Variants in DPP10 observed in about 807,000 individuals in gnomAD.
DPP10 encodes the protein inactive dipeptidyl peptidase 10.
A neutral mutation model predicts 120.9 loss-of-function variants in DPP10; 33 were observed. The observed-to-expected ratio is 0.27, with a 90% CI of 0.21 to 0.37. DPP10 has a LOEUF of 0.37. Ranked by LOEUF, DPP10 falls within the 10% of genes least tolerant of loss-of-function variation. The probability of loss-of-function intolerance (pLI) is 1.00; values close to 1 mark genes in which losing one functional copy is unlikely to be tolerated. For missense variants in DPP10, 816 were observed against 942.8 expected (o/e 0.87, Z 1.76); for synonymous variants, 337 against 326.1 (o/e 1.03, Z -0.36).
intron 3 of DPP10, among the ~76,000 whole-genome samples, chr2:115,395,051 C>T (rs1023154761): frequency 2.6e-5 from 4 of 152,160 alleles, no homozygotes; most frequent in Non-Finnish European, 5.9e-5. Context: ...CACTCTTCAC[C>T]TCTATGTGAT....
At chr2:115,296,784 G>T (rs1006708393) in intron 1 of DPP10, among the ~76,000 whole-genome samples, 1 of 151,936 alleles carries the variant, frequency 6.6e-6, no homozygotes, top group Non-Finnish European at 1.5e-5. Flanking sequence ...GGTGCAATAA[G>T]TTCATCTAGA....
At chr2:114,476,417 C>T (rs1680374457) in intron 1 of DPP10, among the ~76,000 whole-genome samples, 1 of 152,102 alleles carries the variant, frequency 6.6e-6, no homozygotes, top group South Asian at 2.1e-4. Context: ...CCTTTTGATC[C>T]ATTTTCTCTC....
intron 1 of DPP10, among the ~76,000 whole-genome samples, chr2:114,789,488 C>A (rs540510695): frequency 6.6e-6 from 1 of 152,160 alleles, no homozygotes; most frequent in Non-Finnish European, 1.5e-5. Context: ...GAGGAGTTCA[C>A]TTCTCAGAAT....
Position 114,582,643 on chromosome 2 carries a change from T to C in DPP10, c.60+139805T>C, listed in dbSNP as rs114600217. On this transcript the variant is annotated intron_variant, in intron 1 of 25. Transcript: ENST00000410059. ...TGGATTTTGGCCATTCTAGTGCGTA[T>C]GTAGTAGTATCTCATTTTGCTTTTA... 7.0e-3 allele frequency among the ~76,000 whole-genome samples: 1,068 copies of C among 152,356 alleles called. 20 individuals are homozygous for C. The highest frequency in any genetic ancestry group is 0.024 in the African/African-American group (981 of 41,584).
chr2:114,556,260 T>TATATATAC (rs1688303124), intron 1 of DPP10, among the ~76,000 whole-genome samples: 1 of 133,396 alleles, frequency 7.5e-6, no homozygotes, highest in Admixed American at 7.4e-5. Flanking sequence ...TATATATATA[T>TATATATAC]ATATATATAG....
chr2:114,519,324 A>G (rs1238424286), intron 1 of DPP10, among the ~76,000 whole-genome samples: 1 of 152,224 alleles, frequency 6.6e-6, no homozygotes, highest in Non-Finnish European at 1.5e-5. Context: ...TCACTACAGA[A>G]GAACTGTTTA....
At chr2:114,463,182 T>C (rs1178430123) in intron 1 of DPP10, among the ~76,000 whole-genome samples, 1 of 152,206 alleles carries the variant, frequency 6.6e-6, no homozygotes, top group Non-Finnish European at 1.5e-5. Context: ...CTAACCCATG[T>C]ATGTATACAT....
intron 1 of DPP10, among the ~76,000 whole-genome samples, chr2:114,619,800 G>A (rs973957569): frequency 1.6e-4 from 24 of 151,796 alleles, no homozygotes; most frequent in African/African-American, 5.1e-4. Context: ...AGGGGGCTCA[G>A]ATTAAAGGAT....
At chr2:115,646,296 T>A (rs1248611880) in intron 5 of DPP10, among the ~76,000 whole-genome samples, 1 of 152,116 alleles carries the variant, frequency 6.6e-6, no homozygotes, top group African/African-American at 2.4e-5. Context: ...AAATTAAAAA[T>A]AGCATGTTCT....
Position 114,715,558 on chromosome 2 carries a change from G to A in DPP10, c.60+272720G>A, listed in dbSNP as rs74710631. Among the ~76,000 whole-genome samples, 29 of 151,594 alleles carry A rather than the reference G, an allele frequency of 1.9e-4. No individual in the cohort carries two copies. The East Asian group carries it at 5.4e-3, about 28-fold the overall frequency. ...AATAATCTGAAAAATATTAAGCCTA[G>A]GTACCACTATCTGCCTACTGAACCT... is the stretch of plus-strand genomic sequence containing the variant. On this transcript the variant is annotated intron_variant, in intron 1 of 25. Coordinates refer to ENST00000410059, the MANE Select transcript of DPP10 (RefSeq NM_020868.6).
At chr2:115,567,341 C>G (rs188533742) in intron 5 of DPP10, among the ~76,000 whole-genome samples, 1 of 152,104 alleles carries the variant, frequency 6.6e-6, no homozygotes, top group South Asian at 2.1e-4. Context: ...TCACCCTCTC[C>G]TTACAGATAA....
intron 1 of DPP10, among the ~76,000 whole-genome samples, chr2:115,228,485 A>T (rs557065869): frequency 3.3e-5 from 5 of 152,036 alleles, no homozygotes; most frequent in Admixed American, 6.6e-5. Flanking sequence ...GTACCCACTA[A>T]CAAAACCCGC....
intron 1 of DPP10, among the ~76,000 whole-genome samples, chr2:114,450,479 G>A (rs993594306): frequency 1.3e-5 from 2 of 151,666 alleles, no homozygotes; most frequent in Non-Finnish European, 1.5e-5. Context: ...CTGCCACATA[G>A]CAGGAGCTCA....
At chr2:114,533,337 A>G (rs1156643315) in intron 1 of DPP10, among the ~76,000 whole-genome samples, 1 of 152,112 alleles carries the variant, frequency 6.6e-6, no homozygotes, top group Non-Finnish European at 1.5e-5. Context: ...GCTTATTATT[A>G]AGTATTATTA....
At chr2:115,473,096 T>C (rs2074840432) in intron 3 of DPP10, among the ~76,000 whole-genome samples, 2 of 152,196 alleles carry the variant, frequency 1.3e-5, no homozygotes, top group South Asian at 4.1e-4. Context: ...TTCTGGAACA[T>C]TTCCTAATTA....
At chr2:115,820,070 A>G (rs6731430) in intron 21 of DPP10, among the ~76,000 whole-genome samples, 57,201 of 152,086 alleles carry the variant, frequency 0.38, 11,099 homozygotes, top group Middle Eastern at 0.53. Context: ...ATTTTTCACT[A>G]CTACAGAGTA....
chr2:115,543,200 A>G (rs902018050), intron 5 of DPP10, among the ~76,000 whole-genome samples: 1 of 152,026 alleles, frequency 6.6e-6, no homozygotes, highest in Non-Finnish European at 1.5e-5. Context: ...AGAGAATATC[A>G]CAGCAAACAC....
chr2:114,630,988 C>G (rs1479018343), intron 1 of DPP10, among the ~76,000 whole-genome samples: 1 of 152,090 alleles, frequency 6.6e-6, no homozygotes, highest in Admixed American at 6.6e-5. Flanking sequence ...CCTGAGAGAT[C>G]AAAAGGCTTG....
intron 1 of DPP10, among the ~76,000 whole-genome samples, chr2:115,244,237 TATAGAGAGAG>T (rs1490839098): frequency 0.039 from 2,585 of 66,970 alleles, 19 homozygotes; most frequent in Middle Eastern, 0.066. Context: ...TATATATATA[TATAGAGAGAG>T]AGAGAGAGAG....
Sources: allele counts gnomAD v4.1 joint callset (sites outside exome capture counted in the v4.1 genomes callset), GRCh38; gene constraint gnomAD v4.1.1; transcripts MANE v1.5; gene names NCBI Gene and HGNC (gene_info 2026-07-23, HGNC 2026-07-21).